The following DGKI variants were observed in gnomAD, a reference collection of about 807,000 sequenced individuals.
DGKI encodes the protein DAG kinase iota.
In DGKI, 55 loss-of-function variants were observed where a neutral mutation model predicts 147.5. That is an observed-to-expected ratio of 0.37 (90% CI 0.30 to 0.47). The LOEUF is 0.47. Ranked by LOEUF, DGKI falls within the 20% of genes least tolerant of loss-of-function variation. DGKI has a pLI of 1.00. For synonymous variants in DGKI, 469 were observed against 477.1 expected (o/e 0.98, Z 0.22); for missense variants, 1,007 against 1,323.8 (o/e 0.76, Z 3.71).
intron 21 of DGKI, among the ~76,000 whole-genome samples, chr7:137,500,762 C>T (rs551840772): frequency 2.6e-5 from 4 of 152,068 alleles, no homozygotes; most frequent in East Asian, 3.9e-4. Flanking sequence ...TAATTTTACA[C>T]GTTTATGGGG....
intron 12 of DGKI, among the ~76,000 whole-genome samples, chr7:137,587,671 T>A (rs560589787): frequency 2.0e-5 from 3 of 152,334 alleles, no homozygotes; most frequent in African/African-American, 7.2e-5. Flanking sequence ...CTCACACGAT[T>A]GTTTACTAAT....
intron 23 of DGKI, among the ~76,000 whole-genome samples, chr7:137,477,834 G>T (rs1585153746): frequency 1.3e-5 from 2 of 151,848 alleles, no homozygotes; most frequent in South Asian, 4.2e-4. Flanking sequence ...TTTTGGGGTT[G>T]TTTTTTTGTA....
chr7:137,729,499 C>T (rs923310602), intron 1 of DGKI, among the ~76,000 whole-genome samples: 5 of 152,092 alleles, frequency 3.3e-5, no homozygotes, highest in African/African-American at 4.8e-5. Flanking sequence ...ATGTGACAAT[C>T]TATAAAAACT....
chr7:137,712,543 C>T (rs1794247318), intron 1 of DGKI, among the ~76,000 whole-genome samples: 1 of 152,128 alleles, frequency 6.6e-6, no homozygotes, highest in African/African-American at 2.4e-5. Flanking sequence ...AGTCAAATTG[C>T]TGCTGTCCAA....
intron 23 of DGKI, among the ~76,000 whole-genome samples, chr7:137,483,392 C>T (rs1016217946): frequency 2.0e-5 from 3 of 152,010 alleles, no homozygotes; most frequent in African/African-American, 7.2e-5. Flanking sequence ...ACTACTACTG[C>T]CAATTGTTAG....
intron 3 of DGKI, among the ~76,000 whole-genome samples, chr7:137,661,652 A>C (rs1479344583): frequency 6.6e-6 from 1 of 152,126 alleles, no homozygotes; most frequent in Non-Finnish European, 1.5e-5. Flanking sequence ...GGAAGGCTGA[A>C]AATCAAGCAA....
At chr7:137,546,051 C>T (rs1817854392) in intron 20 of DGKI, 15 of 611,052 alleles carry the variant, frequency 2.5e-5, no homozygotes, top group Admixed American at 7.1e-5. Flanking sequence ...AAGAGAGACA[C>T]ACAAAATTTA....
intron 21 of DGKI, among the ~76,000 whole-genome samples, chr7:137,499,672 G>A (rs964454276): frequency 6.6e-6 from 1 of 152,054 alleles, no homozygotes; most frequent in African/African-American, 2.4e-5. Flanking sequence ...CAGTTATCAG[G>A]CTCTCAGACT....
intron 29 of DGKI, among the ~76,000 whole-genome samples, chr7:137,411,746 G>A (rs776214495): frequency 1.9e-4 from 29 of 152,162 alleles, no homozygotes; most frequent in Non-Finnish European, 3.8e-4. Flanking sequence ...GACTAACTAT[G>A]AGAGTCCTTG....
intron 30 of DGKI, among the ~76,000 whole-genome samples, chr7:137,400,435 C>T (rs1268519362): frequency 3.3e-5 from 5 of 152,226 alleles, no homozygotes; most frequent in African/African-American, 4.8e-5. Flanking sequence ...AGCCATGCCA[C>T]GGTGAGTCCA....
intron 30 of DGKI, among the ~76,000 whole-genome samples, chr7:137,398,291 C>G (rs1226281011): frequency 2.0e-5 from 3 of 152,156 alleles, no homozygotes; most frequent in Non-Finnish European, 4.4e-5. Flanking sequence ...GATCATGACA[C>G]GTAACAAACC....
intron 5 of DGKI, among the ~76,000 whole-genome samples, chr7:137,649,554 T>C (rs1821949627): frequency 6.6e-6 from 1 of 152,094 alleles, no homozygotes; most frequent in African/African-American, 2.4e-5. Flanking sequence ...TCAGGGCTTA[T>C]ATTCAGTATT....
chr7:137,769,168 G>A (rs909785474), intron 1 of DGKI, among the ~76,000 whole-genome samples: 1 of 152,186 alleles, frequency 6.6e-6, no homozygotes, highest in East Asian at 1.9e-4. Context: ...GACACCCAAG[G>A]GAGACACGGG....
intron 1 of DGKI, among the ~76,000 whole-genome samples, chr7:137,698,085 T>A: frequency 6.6e-6 from 1 of 150,864 alleles, no homozygotes; most frequent in Non-Finnish European, 1.5e-5. Flanking sequence ...GACAGATATC[T>A]ATATAGAGAG....
intron 6 of DGKI, 66 bp downstream of exon 6, chr7:137,645,406 C>T (rs1821789436): frequency 1.4e-6 from 2 of 1,406,982 alleles, no homozygotes. Flanking sequence ...CAGGACTCAT[C>T]TACCTCAGTT....
intron 21 of DGKI, among the ~76,000 whole-genome samples, chr7:137,492,467 T>A (rs10264765): frequency 0.16 from 24,670 of 152,058 alleles, 2,983 homozygotes; most frequent in African/African-American, 0.35. Context: ...GGGCTACCAT[T>A]CATCAGTTCC....
intron 20 of DGKI, among the ~76,000 whole-genome samples, chr7:137,524,214 G>A (rs937948369): frequency 5.3e-5 from 8 of 151,918 alleles, no homozygotes; most frequent in Non-Finnish European, 1.0e-4. Flanking sequence ...ATGCTGTGAA[G>A]TGAAGAAAAG....
At chr7:137,547,700 AG>A (rs1303909501) in intron 20 of DGKI, among the ~76,000 whole-genome samples, 1 of 152,202 alleles carries the variant, frequency 6.6e-6, no homozygotes, top group Non-Finnish European at 1.5e-5. Flanking sequence ...GGAAAATCCT[AG>A]GGCCTCCCCA....
chr7:137,618,145 A>G lies in DGKI; in HGVS notation c.993+1679T>C, dbSNP rs181215735. Reference sequence around the variant, plus strand: ...TAAAATACTATATATATATATATATATATATATTTTTTTTTTTTTACTCTA... The same window carrying G: ...TAAAATACTATATATATATATATATGTATATATTTTTTTTTTTTTACTCTA... On this transcript the variant is annotated intron_variant, in intron 8 of 32. Coordinates refer to ENST00000614521, the MANE Select transcript of DGKI (RefSeq NM_001321708.2). 2.9e-3 allele frequency among the ~76,000 whole-genome samples: 35 copies of G among 12,222 alleles called. 2 individuals carry two copies. Among genetic ancestry groups the G allele is most frequent in the African/African-American group, 8.5e-3 (35 of 4,094 alleles). The allele number at this position is 12,222 out of a possible 152,430, so 8.0% of individuals were successfully genotyped here. A position where few individuals can be genotyped will look rare whatever the true frequency, so the allele number is the denominator to read the frequency against.
Sources: gnomAD v4.1 joint callset for allele counts (sites outside exome capture counted in the v4.1 genomes callset) on GRCh38, gnomAD v4.1.1 for gene constraint, MANE v1.5 for transcripts, NCBI Gene and HGNC (gene_info 2026-07-23, HGNC 2026-07-21) for gene names.